Variants in DAAM1 observed in about 807,000 individuals in gnomAD.
DAAM1 encodes disheveled-associated activator of morphogenesis 1.
DAAM1 carries 52 observed loss-of-function variants against 130.0 expected under a neutral mutation model. The ratio of observed to expected loss-of-function variants is 0.40; its 90% CI spans 0.32 to 0.50. The LOEUF (loss-of-function observed/expected upper bound fraction) is 0.50, where lower values mean the gene tolerates loss of function less well. DAAM1 is among the 20% of genes least tolerant of loss of function. The pLI is 0.61. For synonymous variants in DAAM1, 452 were observed against 444.5 expected, an observed-to-expected ratio of 1.02 and a Z score of -0.21; for missense variants, 1,134 against 1,303.8, an observed-to-expected ratio of 0.87 and a Z score of 2.01.
rs578239486 is a variant in DAAM1 at position 59,344,555 on chromosome 14, G to T, written c.2076-2984G>T. On this transcript the variant is annotated intron_variant, in intron 16 of 24. Coordinates refer to ENST00000360909, the MANE Select transcript of DAAM1 (RefSeq NM_001270520.2). ...CTATAGAACCATCCCTGAGGGCGGGGTACCTTTCTCCCCTTTCCCTTAAGG... is the reference window on the plus strand; with the variant it reads ...CTATAGAACCATCCCTGAGGGCGGGTTACCTTTCTCCCCTTTCCCTTAAGG... Among the ~76,000 whole-genome samples, 9 of 152,252 alleles carry T rather than the reference G, an allele frequency of 5.9e-5. No homozygotes were observed. The South Asian group carries it at 1.5e-3, about 25-fold the overall frequency.
intron 1 of DAAM1, among the ~76,000 whole-genome samples, chr14:59,190,233 C>T (rs1008392596): frequency 6.6e-6 from 1 of 152,160 alleles, no homozygotes; most frequent in African/African-American, 2.4e-5. Context: ...CAGTTCTAAA[C>T]CCCTTTCCCT....
At chr14:59,211,515 C>A (rs1274310066) in intron 1 of DAAM1, among the ~76,000 whole-genome samples, 1 of 152,172 alleles carries the variant, frequency 6.6e-6, no homozygotes, top group East Asian at 1.9e-4. Flanking sequence ...TTTGTCTTCT[C>A]CCAAAACATC....
intron 1 of DAAM1, among the ~76,000 whole-genome samples, chr14:59,259,061 C>G (rs890963235): frequency 2.0e-5 from 3 of 152,124 alleles, no homozygotes; most frequent in African/African-American, 2.4e-5. Flanking sequence ...TAACGTTACC[C>G]CCGACTTCTC....
chr14:59,203,034 C>T (rs1162452182), intron 1 of DAAM1, among the ~76,000 whole-genome samples: 1 of 151,616 alleles, frequency 6.6e-6, no homozygotes, highest in Non-Finnish European at 1.5e-5. Flanking sequence ...CTCTGTCACC[C>T]AGGCTGGAGT....
chr14:59,216,346 G>A (rs368917066), intron 1 of DAAM1, among the ~76,000 whole-genome samples: 1 of 152,070 alleles, frequency 6.6e-6, no homozygotes, highest in East Asian at 1.9e-4. Context: ...GATATTTTTG[G>A]ACAGCTGCCT....
At chr14:59,343,545 A>G (rs553432023) in intron 16 of DAAM1, among the ~76,000 whole-genome samples, 1 of 152,354 alleles carries the variant, frequency 6.6e-6, no homozygotes, top group South Asian at 2.1e-4. Context: ...TGGCAATGCC[A>G]TCATTACACC....
rs769366549 is a variant in DAAM1, at chr14:59,315,352, G to C, written c.345+1G>C. The C allele has an allele frequency of 6.2e-7, 1 of 1,613,494 alleles. No homozygotes were observed. The highest frequency in any genetic ancestry group is 8.5e-7 in the Non-Finnish European group (1 of 1,179,616). On this transcript the variant is annotated splice_donor_variant, in intron 4 of 24. Transcript: ENST00000360909. LOFTEE classifies it high-confidence loss of function. The stretch of plus-strand genomic sequence containing the variant: ...TGATCAGCTCAATTCCATGGCTGCT[G>C]TAAGTAGACTTTTATGTTCTTTGAC...
rs921458624 is a variant in DAAM1, at chr14:59,371,026, T to G, written c.*2167T>G. The G allele has an allele frequency of 1.3e-5, 2 of 152,006 alleles. No homozygotes were observed. The highest frequency in any genetic ancestry group is 3.9e-4 in the East Asian group (2 of 5,166). 9.4% of individuals were successfully genotyped at this position (152,006 alleles called of 1,614,324 possible). On this transcript the variant is annotated 3_prime_UTR_variant, in exon 25 of 25. Coordinates refer to ENST00000360909, the MANE Select transcript of DAAM1 (RefSeq NM_001270520.2). ...TATGGCCATCCTGGTGGGCCTCCTT[T>G]GCCATTTCCATTTTTGGTTTCTTTC...
chr14:59,286,021 C>T (rs560329281), intron 2 of DAAM1, among the ~76,000 whole-genome samples: 2 of 152,192 alleles, frequency 1.3e-5, no homozygotes, highest in South Asian at 4.1e-4. Context: ...CATATTCAGC[C>T]ATAAAACAAA....
In DAAM1 at chr14:59,371,213, AAG is replaced by A. The variant is rs1309120997; in HGVS notation, c.*2356_*2357del. 6.6e-6 allele frequency: 1 copy of A among 152,256 alleles called. No homozygotes were observed. The highest frequency in any genetic ancestry group is 2.1e-4 in the South Asian group (1 of 4,822). The allele number at this position is 152,256 out of a possible 1,614,324, so 9.4% of individuals were successfully genotyped here. ...TTTGTTTTTTTAAATTAATGCCAAA[AAG>A]AAAATGCATAATTTGTAAACTTAAT... On this transcript the variant is annotated 3_prime_UTR_variant, in exon 25 of 25. Coordinates refer to ENST00000360909, the MANE Select transcript of DAAM1 (RefSeq NM_001270520.2).
intron 22 of DAAM1, chr14:59,362,928 A>G (rs1333740863): frequency 6.6e-6 from 1 of 152,170 alleles, no homozygotes; most frequent in Non-Finnish European, 1.5e-5. Context: ...ACCTTAATTT[A>G]TATGTTTGTA....
chr14:59,326,479 G>A, intron 10 of DAAM1, 31 bp from the exon 11 acceptor site: 3 of 1,556,770 alleles, frequency 1.9e-6, no homozygotes, highest in Non-Finnish European at 2.6e-6. Context: ...ACAACTTGAA[G>A]ATTTTTTTTC....
chr14:59,347,990 A>C (rs1260520323), intron 17 of DAAM1, among the ~76,000 whole-genome samples: 1 of 151,610 alleles, frequency 6.6e-6, no homozygotes, highest in Admixed American at 6.5e-5. Flanking sequence ...ATACTACAAA[A>C]ACTGATTCAT....
At chr14:59,353,349 CAGAG>C (rs1045221092) in intron 18 of DAAM1, among the ~76,000 whole-genome samples, 63 of 152,136 alleles carry the variant, frequency 4.1e-4, no homozygotes, top group African/African-American at 1.4e-3. Flanking sequence ...ACTATGAAGA[CAGAG>C]GGAGGTTTGC....
At chr14:59,337,077 CAA>C (rs964106200) in intron 15 of DAAM1, among the ~76,000 whole-genome samples, 8 of 152,048 alleles carry the variant, frequency 5.3e-5, no homozygotes, top group Non-Finnish European at 1.0e-4. Flanking sequence ...CAGTGAACTT[CAA>C]AAAAGTTTCT....
At chr14:59,275,417 G>A (rs1882921601) in intron 2 of DAAM1, among the ~76,000 whole-genome samples, 1 of 151,914 alleles carries the variant, frequency 6.6e-6, no homozygotes, top group South Asian at 2.1e-4. Flanking sequence ...ACCTGCACGT[G>A]TACCCCGAAC....
At chr14:59,307,811 G>T (rs759863313) in intron 3 of DAAM1, among the ~76,000 whole-genome samples, 4 of 152,090 alleles carry the variant, frequency 2.6e-5, no homozygotes, top group Non-Finnish European at 4.4e-5. Flanking sequence ...GCTCTAAAGG[G>T]ACTTAAATGT....
intron 2 of DAAM1, among the ~76,000 whole-genome samples, chr14:59,268,866 G>C (rs537470012): frequency 6.6e-6 from 1 of 152,254 alleles, no homozygotes; most frequent in South Asian, 2.1e-4. Context: ...ATTGAAATAA[G>C]ATTCAGTAAT....
intron 2 of DAAM1, among the ~76,000 whole-genome samples, chr14:59,267,835 C>A (rs967603182): frequency 2.6e-5 from 4 of 151,756 alleles, no homozygotes; most frequent in Admixed American, 6.6e-5. Context: ...ACCCTTAGAG[C>A]ATGTACCAGT....
Sources: gnomAD v4.1 joint callset for allele counts (sites outside exome capture counted in the v4.1 genomes callset) on GRCh38, gnomAD v4.1.1 for gene constraint, MANE v1.5 for transcripts, NCBI Gene and HGNC (gene_info 2026-07-23, HGNC 2026-07-21) for gene names.